MCC: variants seen among roughly 807,000 people sequenced by gnomAD.
The protein encoded by MCC is MCC regulator of Wnt signaling pathway, also known as colorectal mutant cancer protein.
In MCC, 90 loss-of-function variants were observed where a neutral mutation model predicts 116.2. That is an observed-to-expected ratio of 0.77 (90% CI 0.65 to 0.92). The LOEUF is 0.92. Ranked by LOEUF, MCC falls within the 40% of genes least tolerant of loss-of-function variation. The pLI is 0.00. For synonymous variants in MCC, 578 were observed against 510.5 expected, an observed-to-expected ratio of 1.13 and a Z score of -1.78; for missense variants, 1,516 against 1,312.2, an observed-to-expected ratio of 1.16 and a Z score of -2.40.
chr5:113,069,647 C>G (rs563778856), intron 12 of MCC, among the ~76,000 whole-genome samples: 7 of 152,332 alleles, frequency 4.6e-5, no homozygotes, highest in African/African-American at 1.7e-4. Flanking sequence ...CAGCTCACTG[C>G]AAGCTCCGCC....
chr5:113,137,826 T>G (rs2150282452), intron 5 of MCC, among the ~76,000 whole-genome samples: 1 of 152,196 alleles, frequency 6.6e-6, no homozygotes, highest in African/African-American at 2.4e-5. Context: ...TTACCACATC[T>G]CTAGGGCATT....
chr5:113,313,416 T>C (rs563078703), intron 3 of MCC, among the ~76,000 whole-genome samples: 1 of 152,172 alleles, frequency 6.6e-6, no homozygotes, highest in South Asian at 2.1e-4. Context: ...AAGGCCAAAT[T>C]GCACTCACTG....
At chr5:113,339,656 G>A (rs543535556) in intron 3 of MCC, among the ~76,000 whole-genome samples, 3 of 152,270 alleles carry the variant, frequency 2.0e-5, no homozygotes, top group African/African-American at 7.2e-5. Flanking sequence ...TCTGATGATT[G>A]TATTTTAATT....
At chr5:113,297,161 G>T (rs923509968) in intron 3 of MCC, among the ~76,000 whole-genome samples, 18 of 152,322 alleles carry the variant, frequency 1.2e-4, no homozygotes, top group African/African-American at 4.1e-4. Context: ...AAATGAACAT[G>T]CCGATTGTAC....
chr5:113,465,904 T>C (rs550308699), intron 1 of MCC, among the ~76,000 whole-genome samples: 95 of 152,304 alleles, frequency 6.2e-4, no homozygotes, highest in Middle Eastern at 6.8e-3. Flanking sequence ...CTGCTGATGT[T>C]AAACTCTGAA....
At chr5:113,034,933 T>C (rs563299490) in intron 17 of MCC, among the ~76,000 whole-genome samples, 5 of 152,252 alleles carry the variant, frequency 3.3e-5, no homozygotes, top group African/African-American at 1.2e-4. Flanking sequence ...AAATACTGGG[T>C]GTTGTTTAGG....
At chr5:113,047,755 A>G (rs1358735411) in intron 16 of MCC, among the ~76,000 whole-genome samples, 1 of 152,082 alleles carries the variant, frequency 6.6e-6, no homozygotes, top group Admixed American at 6.5e-5. Context: ...ATAATTCTTT[A>G]GAGTCCACAG....
chr5:113,486,710 G>C (rs897222705), intron 1 of MCC, among the ~76,000 whole-genome samples: 3 of 152,108 alleles, frequency 2.0e-5, no homozygotes, highest in Non-Finnish European at 2.9e-5. Context: ...GGGAGTGGTA[G>C]TGGGCACCTG....
chr5:113,024,217 A>G lies in MCC; in HGVS notation c.*3085T>C, dbSNP rs916409716. On this transcript the variant is annotated 3_prime_UTR_variant, in exon 19 of 19. Transcript: ENST00000408903. ...CTGAAAGGAGAATTAAGCAATTTTAAAAGTTAAGTGCTAGTTAAACATAAC... is the reference window on the plus strand; with the variant it reads ...CTGAAAGGAGAATTAAGCAATTTTAGAAGTTAAGTGCTAGTTAAACATAAC... The G allele has an allele frequency of 1.3e-5, 2 of 152,172 alleles. No individual in the cohort carries two copies. The highest frequency in any genetic ancestry group is 4.8e-5 in the African/African-American group (2 of 41,454). 9.4% of individuals were successfully genotyped at this position (152,172 alleles called of 1,614,324 possible).
At chr5:113,483,634 C>T (rs980681197) in intron 1 of MCC, among the ~76,000 whole-genome samples, 1 of 152,012 alleles carries the variant, frequency 6.6e-6, no homozygotes, top group Non-Finnish European at 1.5e-5. Context: ...AAAATATACA[C>T]ATATCCTCAA....
intron 8 of MCC, among the ~76,000 whole-genome samples, chr5:113,089,486 T>C (rs114099358): frequency 0.015 from 2,231 of 152,292 alleles, 49 homozygotes; most frequent in African/African-American, 0.043. Flanking sequence ...GCTCTACTGA[T>C]GGTTCAGATA....
chr5:113,249,890 C>A (rs146473808), intron 3 of MCC, among the ~76,000 whole-genome samples: 1 of 152,178 alleles, frequency 6.6e-6, no homozygotes, highest in African/African-American at 2.4e-5. Context: ...TTAACTAATT[C>A]TCTGTGACTC....
chr5:113,360,381 C>A (rs920655582), intron 2 of MCC, among the ~76,000 whole-genome samples: 17 of 152,196 alleles, frequency 1.1e-4, no homozygotes, highest in Admixed American at 1.0e-3. Context: ...TTATATATTA[C>A]TGATTTTGGT....
At chr5:113,247,995 T>A (rs1037574608) in intron 3 of MCC, among the ~76,000 whole-genome samples, 1 of 150,544 alleles carries the variant, frequency 6.6e-6, no homozygotes, top group Non-Finnish European at 1.5e-5. Context: ...ATCCAAGGAG[T>A]CCCAGATCTC....
At chr5:113,320,459 A>AAG (rs998225822) in intron 3 of MCC, among the ~76,000 whole-genome samples, 3 of 151,976 alleles carry the variant, frequency 2.0e-5, no homozygotes, top group African/African-American at 7.3e-5. Flanking sequence ...TTGCAAAAAA[A>AAG]AAAAAAAGGC....
At chr5:113,264,100 T>C (rs79977600) in intron 3 of MCC, among the ~76,000 whole-genome samples, 3,126 of 152,308 alleles carry the variant, frequency 0.021, 36 homozygotes, top group Middle Eastern at 0.027. Flanking sequence ...CCGAAAGATA[T>C]GATTTTTCAG....
chr5:113,461,571 C>T (rs182754949), intron 1 of MCC, among the ~76,000 whole-genome samples: 44 of 149,668 alleles, frequency 2.9e-4, no homozygotes, highest in African/African-American at 1.0e-3. Flanking sequence ...TTGGGGAGGC[C>T]GAGTTGGGAG....
intron 3 of MCC, among the ~76,000 whole-genome samples, chr5:113,332,806 C>G (rs899512031): frequency 4.6e-5 from 7 of 151,774 alleles, no homozygotes; most frequent in African/African-American, 1.5e-4. Flanking sequence ...TTTACAGATT[C>G]TAGACTTCAA....
intron 1 of MCC, among the ~76,000 whole-genome samples, chr5:113,453,175 C>A (rs966374728): frequency 1.3e-5 from 2 of 151,828 alleles, no homozygotes; most frequent in Non-Finnish European, 2.9e-5. Flanking sequence ...CCAATTAAAC[C>A]CTGTCTTTAG....
Sources: gnomAD v4.1 joint callset for allele counts (sites outside exome capture counted in the v4.1 genomes callset) on GRCh38, gnomAD v4.1.1 for gene constraint, MANE v1.5 for transcripts, NCBI Gene and HGNC (gene_info 2026-07-23, HGNC 2026-07-21) for gene names.